ARHGEF7: variants seen among roughly 807,000 people sequenced by gnomAD.
The protein encoded by ARHGEF7 is PAK-interacting exchange factor beta.
A neutral mutation model predicts 109.8 loss-of-function variants in ARHGEF7; 33 were observed. The observed-to-expected ratio is 0.30, with a 90% CI of 0.23 to 0.40. The LOEUF (loss-of-function observed/expected upper bound fraction) is 0.40. ARHGEF7 is among the 10% of genes least tolerant of loss of function. ARHGEF7 has a pLI of 1.00. For synonymous variants in ARHGEF7, 458 were observed against 424.6 expected (o/e 1.08, Z -0.97); for missense variants, 938 against 1,098.5 (o/e 0.85, Z 2.07).
intron 6 of ARHGEF7, among the ~76,000 whole-genome samples, chr13:111,235,083 C>G (rs1204258177): frequency 1.3e-5 from 2 of 152,194 alleles, no homozygotes; most frequent in Admixed American, 6.5e-5. Flanking sequence ...TTGTATAAGA[C>G]ACTGCTTTTT....
chr13:111,250,293 G>C (rs1170025689), intron 8 of ARHGEF7, among the ~76,000 whole-genome samples: 1 of 152,212 alleles, frequency 6.6e-6, no homozygotes, highest in East Asian at 1.9e-4. Flanking sequence ...AGTTTGCCTA[G>C]AGCAGCTTTC....
At chr13:111,170,974 A>G (rs910916199) in intron 2 of ARHGEF7, among the ~76,000 whole-genome samples, 5 of 152,258 alleles carry the variant, frequency 3.3e-5, no homozygotes, top group Admixed American at 2.6e-4. Flanking sequence ...GTTTGTGTCC[A>G]TAAGAAAAAT....
chr13:111,205,214 T>G (rs2081665851), intron 2 of ARHGEF7, 75 bp from the exon 3 acceptor site: 1 of 1,188,778 alleles, frequency 8.4e-7, no homozygotes, highest in Non-Finnish European at 1.2e-6. Flanking sequence ...ATCGTCGCGT[T>G]GCTGGGAGAA....
intron 1 of ARHGEF7, among the ~76,000 whole-genome samples, chr13:111,149,895 A>G (rs1457938143): frequency 2.0e-5 from 3 of 152,244 alleles, no homozygotes; most frequent in Non-Finnish European, 4.4e-5. Context: ...TTTTATACAC[A>G]TTAACTAAAG....
intron 16 of ARHGEF7, among the ~76,000 whole-genome samples, chr13:111,284,185 G>A (rs1469399355): frequency 6.6e-6 from 1 of 152,118 alleles, no homozygotes; most frequent in African/African-American, 2.4e-5. Flanking sequence ...CCGTTGGTGG[G>A]GTGTGAGTGA....
chr13:111,225,326 G>C (rs1378653466), intron 5 of ARHGEF7, among the ~76,000 whole-genome samples: 1 of 152,110 alleles, frequency 6.6e-6, no homozygotes, highest in Non-Finnish European at 1.5e-5. Flanking sequence ...ATAGCCAGTA[G>C]ACGGAAGAGC....
At chr13:111,209,747 C>A in intron 3 of ARHGEF7, 125 bp from the exon 4 acceptor site, 1 of 1,068,580 alleles carries the variant, frequency 9.4e-7, no homozygotes, top group Non-Finnish European at 1.3e-6. Context: ...CATAAATGGG[C>A]TGCTTTGTTG....
intron 1 of ARHGEF7, among the ~76,000 whole-genome samples, chr13:111,139,256 G>C (rs74126719): frequency 6.6e-6 from 1 of 152,088 alleles, no homozygotes; most frequent in Non-Finnish European, 1.5e-5. Context: ...TGCCCAGGGC[G>C]GCACACACTG....
rs139887246 is a variant in ARHGEF7 at position 111,272,853 on chromosome 13, G to C, written c.1074-961G>C. Among the ~76,000 whole-genome samples the C allele has an allele frequency of 6.6e-6, 1 of 152,240 alleles. No homozygotes were observed. Among genetic ancestry groups the C allele is most frequent in the East Asian group, 1.9e-4 (1 of 5,170 alleles). On this transcript the variant is annotated intron_variant, in intron 9 of 21. Transcript: ENST00000646102. This position sits in a 1 kb window ranked among gnomAD's most constrained non-coding sequence, Gnocchi z 5.2. ...AGATCGCCAGTGAAGGGGTGTTGCG[G>C]TCAGGTGACTGTCAGCCTTAACAAA...
intron 13 of ARHGEF7, among the ~76,000 whole-genome samples, chr13:111,278,643 A>G (rs1467220801): frequency 6.6e-6 from 1 of 152,226 alleles, no homozygotes; most frequent in Non-Finnish European, 1.5e-5. Context: ...CCACTGCTGA[A>G]GAGAGGTGAT....
chr13:111,118,227 C>T (rs1288847948), intron 1 of ARHGEF7, among the ~76,000 whole-genome samples: 3 of 152,224 alleles, frequency 2.0e-5, no homozygotes, highest in Non-Finnish European at 4.4e-5. Context: ...TGTGTTTCTT[C>T]CATTACGCTC....
intron 1 of ARHGEF7, among the ~76,000 whole-genome samples, chr13:111,127,105 C>T (rs949371020): frequency 1.3e-5 from 2 of 152,004 alleles, no homozygotes; most frequent in Non-Finnish European, 2.9e-5. Context: ...TTACAGATAT[C>T]GAAAGATAAT....
intron 8 of ARHGEF7, among the ~76,000 whole-genome samples, chr13:111,256,044 T>C (rs556165059): frequency 2.0e-5 from 3 of 152,358 alleles, no homozygotes; most frequent in African/African-American, 4.8e-5. Context: ...AGGCAACTTA[T>C]TTTTAACCGC....
intron 2 of ARHGEF7, among the ~76,000 whole-genome samples, chr13:111,174,368 T>C (rs965647688): frequency 6.6e-6 from 1 of 152,230 alleles, no homozygotes; most frequent in Non-Finnish European, 1.5e-5. Flanking sequence ...CATCTTCATG[T>C]CTTCCGAATT....
At chr13:111,186,774 A>G in intron 2 of ARHGEF7, 2 of 983,978 alleles carry the variant, frequency 2.0e-6, no homozygotes, top group Non-Finnish European at 2.4e-6. Flanking sequence ...ACTGGTGGCA[A>G]CGCAGACCAC....
chr13:111,149,401 A>G (rs2075780734), intron 1 of ARHGEF7, among the ~76,000 whole-genome samples: 2 of 152,232 alleles, frequency 1.3e-5, no homozygotes, highest in Non-Finnish European at 2.9e-5. Flanking sequence ...AATCATAGCA[A>G]TTAGATTCTT....
intron 1 of ARHGEF7, among the ~76,000 whole-genome samples, chr13:111,116,767 T>G (rs1480773408): frequency 6.6e-6 from 1 of 152,230 alleles, no homozygotes; most frequent in Non-Finnish European, 1.5e-5. Flanking sequence ...ATGTTTAATT[T>G]TTTTCATTCA....
chr13:111,299,011 A>G (rs1374882654), intron 19 of ARHGEF7, among the ~76,000 whole-genome samples: 1 of 152,184 alleles, frequency 6.6e-6, no homozygotes, highest in Non-Finnish European at 1.5e-5. Context: ...ACAGAGCAGC[A>G]CTTGGTTGCT....
At chr13:111,252,247 A>C (rs1818210555) in intron 8 of ARHGEF7, among the ~76,000 whole-genome samples, 1 of 152,238 alleles carries the variant, frequency 6.6e-6, no homozygotes, top group Admixed American at 6.5e-5. Flanking sequence ...TATTGTTGAT[A>C]CTGCCTTCCA....
Sources: allele counts gnomAD v4.1 joint callset (sites outside exome capture counted in the v4.1 genomes callset), GRCh38; gene constraint gnomAD v4.1.1; non-coding constraint Gnocchi (gnomAD v3.1); transcripts MANE v1.5; gene names NCBI Gene and HGNC (gene_info 2026-07-23, HGNC 2026-07-21).